The following ROBO1 variants were observed in gnomAD, a reference collection of about 807,000 sequenced individuals.
The protein encoded by ROBO1 is roundabout guidance receptor 1.
ROBO1 carries 149 observed loss-of-function variants against 195.9 expected under a neutral mutation model. That is an observed-to-expected ratio of 0.76 (90% CI 0.67 to 0.87). The LOEUF is 0.87. Among genes scored for constraint, ROBO1 ranks in the 40% least tolerant of loss-of-function variants. ROBO1 has a pLI of 0.00. For missense variants in ROBO1, 1,933 were observed against 2,068.3 expected (o/e 0.93, Z 1.27); for synonymous variants, 816 against 733.2 (o/e 1.11, Z -1.82).
intron 1 of ROBO1, among the ~76,000 whole-genome samples, chr3:79,622,784 C>T (rs979752439): frequency 2.0e-5 from 3 of 152,170 alleles, no homozygotes; most frequent in Admixed American, 6.5e-5. Context: ...GGGTTTCCTC[C>T]TAGTGAGGTA....
intron 2 of ROBO1, among the ~76,000 whole-genome samples, chr3:79,210,560 A>T (rs551063994): frequency 3.9e-5 from 6 of 152,290 alleles, no homozygotes; most frequent in African/African-American, 1.4e-4. Flanking sequence ...GACACAATCT[A>T]ATGGAGTGAC....
At chr3:79,662,117 C>G (rs1946347261) in intron 1 of ROBO1, among the ~76,000 whole-genome samples, 1 of 151,994 alleles carries the variant, frequency 6.6e-6, no homozygotes, top group Admixed American at 6.6e-5. Flanking sequence ...ATAACCGTGG[C>G]TGCTATTACA....
At chr3:79,465,782 T>G (rs1455853039) in intron 2 of ROBO1, among the ~76,000 whole-genome samples, 1 of 152,142 alleles carries the variant, frequency 6.6e-6, no homozygotes. Context: ...TTTTCTTACA[T>G]GAGCAGGGTT....
intron 1 of ROBO1, among the ~76,000 whole-genome samples, chr3:79,709,454 A>G (rs1338293545): frequency 6.6e-6 from 1 of 152,120 alleles, no homozygotes; most frequent in Non-Finnish European, 1.5e-5. Context: ...GACAAATGGG[A>G]GAGAATAAAT....
chr3:78,832,835 C>T (rs2032352279), intron 4 of ROBO1, among the ~76,000 whole-genome samples: 1 of 152,028 alleles, frequency 6.6e-6, no homozygotes, highest in African/African-American at 2.4e-5. Context: ...TGAGAGGAGG[C>T]ACTCTTGGTA....
At chr3:79,414,136 G>A (rs2106881123) in intron 2 of ROBO1, among the ~76,000 whole-genome samples, 1 of 151,640 alleles carries the variant, frequency 6.6e-6, no homozygotes, top group Non-Finnish European at 1.5e-5. Flanking sequence ...CTTTTCTTAG[G>A]ACTTATTCAC....
At chr3:78,785,305 C>G (rs1162304730) in intron 4 of ROBO1, among the ~76,000 whole-genome samples, 2 of 152,060 alleles carry the variant, frequency 1.3e-5, no homozygotes, top group Non-Finnish European at 2.9e-5. Flanking sequence ...TACTTATTCC[C>G]TTTCATTTTG....
chr3:79,203,799 G>A (rs1290121775), intron 2 of ROBO1, among the ~76,000 whole-genome samples: 8 of 152,110 alleles, frequency 5.3e-5, no homozygotes, highest in Non-Finnish European at 1.0e-4. Flanking sequence ...ATTACACTCC[G>A]TAGTTACCGG....
chr3:79,100,257 T>G (rs1279669574), intron 3 of ROBO1, among the ~76,000 whole-genome samples: 1 of 151,844 alleles, frequency 6.6e-6, no homozygotes, highest in African/African-American at 2.4e-5. Context: ...TGCCAGTCAC[T>G]GTACTGTAAT....
intron 8 of ROBO1, among the ~76,000 whole-genome samples, chr3:78,710,266 C>A (rs1013851427): frequency 1.3e-5 from 2 of 152,060 alleles, no homozygotes; most frequent in Non-Finnish European, 2.9e-5. Context: ...AGAGATGGAG[C>A]CATGAACTCC....
At chr3:79,246,932 T>A (rs1209033848) in intron 2 of ROBO1, among the ~76,000 whole-genome samples, 1 of 151,942 alleles carries the variant, frequency 6.6e-6, no homozygotes, top group Non-Finnish European at 1.5e-5. Context: ...AGGGTAAAGA[T>A]GACAGAGTTA....
chr3:79,759,510 C>T (rs1422617609), intron 1 of ROBO1, among the ~76,000 whole-genome samples: 1 of 152,130 alleles, frequency 6.6e-6, no homozygotes, highest in Admixed American at 6.6e-5. Context: ...AAGGAAAGTT[C>T]ATCCTTAGTA....
intron 1 of ROBO1, among the ~76,000 whole-genome samples, chr3:79,672,628 C>A (rs1419282828): frequency 6.6e-6 from 1 of 151,778 alleles, no homozygotes; most frequent in Non-Finnish European, 1.5e-5. Flanking sequence ...ATTGGGGGGA[C>A]ATAAGGATGC....
At chr3:79,432,739 G>C (rs1421538649) in intron 2 of ROBO1, among the ~76,000 whole-genome samples, 1 of 152,028 alleles carries the variant, frequency 6.6e-6, no homozygotes, top group Non-Finnish European at 1.5e-5. Flanking sequence ...ATCAGTTTCA[G>C]GCTGCTTACT....
chr3:79,555,239 A>G (rs1942656584), intron 2 of ROBO1, among the ~76,000 whole-genome samples: 1 of 152,172 alleles, frequency 6.6e-6, no homozygotes, highest in Non-Finnish European at 1.5e-5. Context: ...TATTTGGTCA[A>G]GTCTCAGATT....
chr3:79,588,247 C>A (rs1486618466), intron 2 of ROBO1, among the ~76,000 whole-genome samples: 1 of 151,700 alleles, frequency 6.6e-6, no homozygotes, highest in Non-Finnish European at 1.5e-5. Flanking sequence ...GATTTTTCTT[C>A]TCTAAAATTA....
chr3:78,822,972 C>A (rs1442142511), intron 4 of ROBO1, among the ~76,000 whole-genome samples: 1 of 152,214 alleles, frequency 6.6e-6, no homozygotes, highest in East Asian at 1.9e-4. Flanking sequence ...AAACATGAAT[C>A]CAAATGTTCT....
intron 4 of ROBO1, among the ~76,000 whole-genome samples, chr3:78,818,127 C>T (rs1576226626): frequency 6.6e-6 from 1 of 152,288 alleles, no homozygotes; most frequent in Non-Finnish European, 1.5e-5. Flanking sequence ...ACCTCTCCTC[C>T]CTCAATCTTT....
intron 4 of ROBO1, among the ~76,000 whole-genome samples, chr3:78,906,340 T>C (rs563355847): frequency 6.6e-6 from 1 of 152,162 alleles, no homozygotes; most frequent in Non-Finnish European, 1.5e-5. Flanking sequence ...CATTTTGAAG[T>C]GCACACAAAA....
Sources: allele counts gnomAD v4.1 joint callset (sites outside exome capture counted in the v4.1 genomes callset), GRCh38; gene constraint gnomAD v4.1.1; transcripts MANE v1.5; gene names NCBI Gene and HGNC (gene_info 2026-07-23, HGNC 2026-07-21).